Variants in DOCK5 observed in about 807,000 individuals in gnomAD.
DOCK5 encodes the protein dedicator of cytokinesis protein 5.
DOCK5 carries 142 observed loss-of-function variants against 251.8 expected under a neutral mutation model. That is an observed-to-expected ratio of 0.56 (90% confidence interval 0.49 to 0.65). The LOEUF (loss-of-function observed/expected upper bound fraction) is 0.65, where lower values mean the gene tolerates loss of function less well. Ranked by LOEUF, DOCK5 falls within the 30% of genes least tolerant of loss-of-function variation. DOCK5 has a pLI of 0.00. For synonymous variants in DOCK5, 842 were observed against 835.5 expected (o/e 1.01, Z -0.13); for missense variants, 2,111 against 2,312.3 (o/e 0.91, Z 1.79).
At chr8:25,351,849 C>T in intron 27 of DOCK5, 23 bp downstream of exon 27, 1 of 1,600,582 alleles carries the variant, frequency 6.2e-7, no homozygotes, top group Non-Finnish European at 8.5e-7. Context: ...TTGTTGGATC[C>T]CACGGCCGCT....
rs774613940 is a variant in DOCK5, at chr8:25,308,876, A to G, written c.1143A>G (p.Ser381=). 1 of 1,613,934 alleles carries G rather than the reference A, an allele frequency of 6.2e-7. No individual in the cohort carries two copies. Among genetic ancestry groups the G allele is most frequent in the Non-Finnish European group, 8.5e-7 (1 of 1,179,832 alleles). Residue 381 remains serine, a synonymous_variant, in exon 12 of 52, where the codon TCA becomes TCG. Coordinates refer to ENST00000276440, the MANE Select transcript of DOCK5 (RefSeq NM_024940.8). The part of the protein sequence containing the change: ...HVIGENEPLT[S]VLNKVIAAKE... ...TTGGGGAGAATGAGCCACTCACTTC[A>G]GTCTTGAATAAAGTGATTGCAGCAA... is the stretch of plus-strand genomic sequence containing the variant.
intron 27 of DOCK5, among the ~76,000 whole-genome samples, chr8:25,352,201 A>G (rs1800481817): frequency 1.4e-5 from 2 of 139,100 alleles, no homozygotes; most frequent in African/African-American, 5.2e-5. Context: ...CAACAGAGCA[A>G]TAGCCTGCCT....
intron 37 of DOCK5, chr8:25,376,411 C>CT: frequency 1.0e-6 from 1 of 975,650 alleles, no homozygotes; most frequent in African/African-American, 1.8e-5. Flanking sequence ...GAGGGAATCT[C>CT]TTTCTAGATT....
chr8:25,201,275 A>G lies in DOCK5; in HGVS notation c.43+16324A>G, dbSNP rs113076077. On this transcript the variant is annotated intron_variant, in intron 1 of 51. Coordinates refer to ENST00000276440, the MANE Select transcript of DOCK5 (RefSeq NM_024940.8). The stretch of plus-strand genomic sequence containing the variant: ...CGTCTCCTCTCTCTGTTTGAAGACA[A>G]TAAAGTATGATGTAATTGTATTATT... 8.9e-3 allele frequency among the ~76,000 whole-genome samples: 1,362 copies of G among 152,364 alleles called. 22 individuals carry two copies. The highest frequency in any genetic ancestry group is 0.031 in the African/African-American group (1,303 of 41,588).
In DOCK5 at chr8:25,274,007, G is replaced by A. The variant is rs190951784; in HGVS notation, c.169-1379G>A. Reference sequence around the variant, plus strand: ...ACTTTTTATTTGGGGCTTTGTGTCTGGTGGGGAAGCACATGCAGGATCCAC... The same window carrying A: ...ACTTTTTATTTGGGGCTTTGTGTCTAGTGGGGAAGCACATGCAGGATCCAC... On this transcript the variant is annotated intron_variant, in intron 3 of 51. Coordinates refer to ENST00000276440, the MANE Select transcript of DOCK5 (RefSeq NM_024940.8). Among the ~76,000 whole-genome samples, 353 of 152,280 alleles carry A rather than the reference G, an allele frequency of 2.3e-3. 1 individual carries two copies. Among genetic ancestry groups the A allele is most frequent in the African/African-American group, 7.6e-3 (316 of 41,558 alleles).
chr8:25,194,307 A>G (rs1801663391), intron 1 of DOCK5, among the ~76,000 whole-genome samples: 1 of 152,088 alleles, frequency 6.6e-6, no homozygotes, highest in Non-Finnish European at 1.5e-5. Context: ...AAAATAAAAG[A>G]TAATTGAAAA....
At chr8:25,316,762 A>G (rs1805262731) in intron 13 of DOCK5, among the ~76,000 whole-genome samples, 1 of 152,206 alleles carries the variant, frequency 6.6e-6, no homozygotes, top group Non-Finnish European at 1.5e-5. Flanking sequence ...AGAAATTTTT[A>G]ATAGAGAAAG....
chr8:25,194,566 GCT>G (rs1282643435), intron 1 of DOCK5, among the ~76,000 whole-genome samples: 1 of 151,952 alleles, frequency 6.6e-6, no homozygotes, highest in Non-Finnish European at 1.5e-5. Context: ...CCCCGCCTTG[GCT>G]CTCATTCCCA....
Position 25,281,041 on chromosome 8 carries a change from A to G in DOCK5, c.321+2376A>G, listed in dbSNP as rs1272009183. On this transcript the variant is annotated intron_variant, in intron 5 of 51. Coordinates refer to ENST00000276440, the MANE Select transcript of DOCK5 (RefSeq NM_024940.8). ...AGTGAGGCCGACTTTTTTTCTTGCT[A>G]AAACACAACTGGTGTGCCCAGTTTA... Among the ~76,000 whole-genome samples the G allele has an allele frequency of 2.0e-5, 3 of 151,338 alleles. No individual in the cohort carries two copies. In the East Asian group the frequency reaches 5.8e-4, roughly 29 times the overall value.
At chr8:25,315,906 T>C (rs1369425930) in intron 13 of DOCK5, among the ~76,000 whole-genome samples, 1 of 152,246 alleles carries the variant, frequency 6.6e-6, no homozygotes, top group East Asian at 1.9e-4. Context: ...CCTGTTTTCT[T>C]ATAGTGTTAA....
intron 1 of DOCK5, among the ~76,000 whole-genome samples, chr8:25,191,882 A>G (rs964151473): frequency 6.6e-6 from 1 of 150,944 alleles, no homozygotes; most frequent in Non-Finnish European, 1.5e-5. Context: ...CTCGTCATTT[A>G]CATTAGTTAT....
chr8:25,230,852 AAAAT>A (rs911816594), intron 1 of DOCK5, among the ~76,000 whole-genome samples: 11 of 152,208 alleles, frequency 7.2e-5, no homozygotes, highest in African/African-American at 2.4e-4. Context: ...CTCCATCTCA[AAAAT>A]AAATAAATAA....
chr8:25,297,905 A>C (rs1360638969), intron 7 of DOCK5, among the ~76,000 whole-genome samples: 2 of 151,872 alleles, frequency 1.3e-5, no homozygotes, highest in Admixed American at 6.6e-5. Context: ...ATTTTTTAAA[A>C]AATTAGCTGG....
rs371790134 is a variant in DOCK5, at chr8:25,407,819, G to A, written c.5094-164G>A. On this transcript the variant is annotated intron_variant, in intron 48 of 51. Transcript: ENST00000276440. ...GTCAAGGTTATAGTGAGATGTGATC[G>A]CACCACTGCACTCCAGCCTGAATGA... 1.5e-3 allele frequency among the ~76,000 whole-genome samples: 215 copies of A among 147,338 alleles called. 1 individual carries two copies. The highest frequency in any genetic ancestry group is 5.1e-3 in the African/African-American group (201 of 39,182).
intron 2 of DOCK5, among the ~76,000 whole-genome samples, chr8:25,250,649 CTG>C (rs1280072934): frequency 2.6e-5 from 4 of 152,192 alleles, no homozygotes; most frequent in Non-Finnish European, 5.9e-5. Flanking sequence ...TCTGGGTACT[CTG>C]TGGTCTCTTA....
intron 35 of DOCK5, 87 bp downstream of exon 35, chr8:25,372,805 C>A (rs1800897685): frequency 7.3e-7 from 1 of 1,362,878 alleles, no homozygotes; most frequent in East Asian, 2.8e-5. Context: ...ATCCCACAAA[C>A]ACAGAGGCGC....
chr8:25,395,778 C>T (rs1801335540), intron 45 of DOCK5, 59 bp downstream of exon 45: 4 of 1,554,978 alleles, frequency 2.6e-6, no homozygotes, highest in African/African-American at 1.4e-5. Context: ...GTGTGCCTCC[C>T]TCTGTGCCAT....
At chr8:25,272,255 C>G (rs1198337450) in intron 3 of DOCK5, among the ~76,000 whole-genome samples, 1 of 152,178 alleles carries the variant, frequency 6.6e-6, no homozygotes, top group Non-Finnish European at 1.5e-5. Flanking sequence ...TCTTGAACTT[C>G]TGGGCTCAAG....
Position 25,373,626 on chromosome 8 carries a change from T to TATA in DOCK5, c.3694_3695insTAA (p.Tyr1231_Lys1232insIle). On this transcript the variant is annotated inframe_insertion, in exon 36 of 52. Transcript: ENST00000276440. ...CTTTTTTTTCCTGGCAGAACTTTTA[T>TATA]AAAGAAAAGAAGAGAGAGGACATAT... is the stretch of plus-strand genomic sequence containing the variant. 1 of 1,595,232 alleles carries TATA rather than the reference T, an allele frequency of 6.3e-7. No individual in the cohort carries two copies. The highest frequency in any genetic ancestry group is 1.3e-5 in the African/African-American group (1 of 74,660).
Sources: allele counts gnomAD v4.1 joint callset (sites outside exome capture counted in the v4.1 genomes callset), GRCh38; gene constraint gnomAD v4.1.1; transcripts MANE v1.5; gene names NCBI Gene and HGNC (gene_info 2026-07-23, HGNC 2026-07-21).